The following C2 variants were observed in gnomAD, a reference collection of about 807,000 sequenced individuals.
C2 encodes complement C2, also known as C3/C5 convertase.
In C2, 64 loss-of-function variants were observed where a neutral mutation model predicts 85.2. The ratio of observed to expected loss-of-function variants is 0.75; its 90% CI spans 0.61 to 0.92. The LOEUF (loss-of-function observed/expected upper bound fraction) is 0.92, where lower values mean the gene tolerates loss of function less well. C2 is among the 40% of genes least tolerant of loss of function. The pLI is 0.00. For synonymous variants in C2, 311 were observed against 370.8 expected, an observed-to-expected ratio of 0.84 and a Z score of 1.85; for missense variants, 820 against 971.6, an observed-to-expected ratio of 0.84 and a Z score of 2.07.
rs571063504 is a variant in C2, at chr6:31,913,758, C to T, written c.73+12619C>T. On this transcript the variant is annotated intron_variant, in intron 1 of 3. Transcript: ENST00000452202. ...GCCTCCTGGGTGTAAGCAATTCTCC[C>T]GCCTCAGGCTCCCGTGTAGCTGGGA... Among the ~76,000 whole-genome samples, 301 of 151,818 alleles carry T rather than the reference C, an allele frequency of 2.0e-3. 2 individuals are homozygous for T. The highest frequency in any genetic ancestry group is 5.0e-3 in the African/African-American group (208 of 41,376).
At chr6:31,910,618 G>C (rs1768028768) in intron 1 of C2, among the ~76,000 whole-genome samples, 1 of 152,014 alleles carries the variant, frequency 6.6e-6, no homozygotes, top group Non-Finnish European at 1.5e-5. Flanking sequence ...ATGAAAATAA[G>C]AATTCAGAAG....
At chr6:31,927,012 G>A (rs770423424), upstream of C2, among the ~76,000 whole-genome samples, 3 of 152,090 alleles carry the variant, frequency 2.0e-5, no homozygotes, top group African/African-American at 4.8e-5. This position sits in a 1 kb window ranked among gnomAD's most constrained non-coding sequence, Gnocchi z 4.7. Flanking sequence ...AACCCCAAAT[G>A]TATTTACTTT....
chr6:31,925,535 C>T (rs1167275465), upstream of C2, among the ~76,000 whole-genome samples: 6 of 152,138 alleles, frequency 3.9e-5, no homozygotes, highest in African/African-American at 7.2e-5. Context: ...TCAGGTGATC[C>T]CCCTGCCTCG....
chr6:31,917,140 C>T (rs1199531191), upstream of C2, among the ~76,000 whole-genome samples: 8 of 146,190 alleles, frequency 5.5e-5, no homozygotes, highest in Admixed American at 5.5e-4. Context: ...CACTGCACTC[C>T]AGCCTGGGTG....
chr6:31,907,014 C>G (rs1767754249), intron 1 of C2, among the ~76,000 whole-genome samples: 1 of 151,418 alleles, frequency 6.6e-6, no homozygotes, highest in South Asian at 2.1e-4. Flanking sequence ...GTGGTGCATG[C>G]CTGTAATCCC....
At chr6:31,916,231 G>C (rs1475703451), upstream of C2, among the ~76,000 whole-genome samples, 1 of 152,278 alleles carries the variant, frequency 6.6e-6, no homozygotes, top group Non-Finnish European at 1.5e-5. Flanking sequence ...GCTATAGGGA[G>C]TGTGAGATCC....
At chr6:31,933,291 C>T (rs926894431) in intron 3 of C2, among the ~76,000 whole-genome samples, 1 of 152,212 alleles carries the variant, frequency 6.6e-6, no homozygotes, top group Admixed American at 6.5e-5. Context: ...GTTTCACCCA[C>T]GTACATGCCA....
Position 31,933,596 on chromosome 6 carries a change from T to C in C2, c.443-14T>C. ...GGGGGCTACTCACCTCTGCCTTCCT[T>C]TGTTCACTCGCAGCTGGCCACTGCC... On this transcript the variant is annotated splice_polypyrimidine_tract_variant and intron_variant, in intron 3 of 17. Transcript: ENST00000299367. 6.2e-7 allele frequency: 1 copy of C among 1,612,814 alleles called. No individual in the cohort carries two copies. The highest frequency in any genetic ancestry group is 8.5e-7 in the Non-Finnish European group (1 of 1,179,978).
At chr6:31,933,817 G>A in intron 4 of C2, 34 bp downstream of exon 4, 2 of 1,613,614 alleles carry the variant, frequency 1.2e-6, no homozygotes, top group South Asian at 2.2e-5. Context: ...GAGATTCCTC[G>A]GCACACCCGG....
intron 3 of C2, among the ~76,000 whole-genome samples, chr6:31,930,248 A>G (rs773699159): frequency 2.0e-5 from 3 of 151,178 alleles, no homozygotes; most frequent in Non-Finnish European, 4.4e-5. Context: ...TGCCTCGGTA[A>G]TTTTCTATTC....
At chr6:31,933,825 C>T (rs750461415) in intron 4 of C2, 42 bp downstream of exon 4, 16 of 1,613,510 alleles carry the variant, frequency 9.9e-6, no homozygotes, top group Middle Eastern at 3.3e-4. Context: ...TCGGCACACC[C>T]GGCCACTGCC....
intron 1 of C2, among the ~76,000 whole-genome samples, chr6:31,903,014 C>G (rs989294448): frequency 1.3e-5 from 2 of 152,180 alleles, no homozygotes; most frequent in African/African-American, 4.8e-5. Context: ...CCCGGGCCTT[C>G]TCTTTCTCTT....
In C2 at chr6:31,920,690, T is replaced by A. The variant is rs926018817; in HGVS notation, c.-100+664T>A. 3.9e-5 allele frequency among the ~76,000 whole-genome samples: 6 copies of A among 152,138 alleles called. No homozygotes were observed. The highest frequency in any genetic ancestry group is 3.9e-4 in the Admixed American group (6 of 15,268). ...GAGGGCTGAGGTAAGAGCTGCGGTGTGGGCAGATGGACACCCTGGTACACC... is the reference window on the plus strand; with the variant it reads ...GAGGGCTGAGGTAAGAGCTGCGGTGAGGGCAGATGGACACCCTGGTACACC... On this transcript the variant is annotated intron_variant, in intron 1 of 3. Transcript: ENST00000413154. The surrounding 1 kb of genome is among the most constrained non-coding windows in gnomAD (Gnocchi z 5.6).
chr6:31,901,704 C>T (rs1464164259), intron 1 of C2: 12 of 237,570 alleles, frequency 5.1e-5, no homozygotes, highest in Non-Finnish European at 9.1e-5. Context: ...CCGCCCCCCC[C>T]TTACACGTTT....
rs1245036962 is a variant in C2 at position 31,943,780 on chromosome 6, C to T, written c.1704C>T (p.Ala568=). ...YGDDIALLKL[A]QKVKMSTHAR... ...ATGACATAGCTCTGCTGAAGCTGGC[C>T]CAGAAAGTAAAGATGTCCACCCATG... The change falls in exon 13 of 18, where the codon GCC becomes GCT. Residue 568 remains alanine (A), a synonymous_variant. Coordinates refer to ENST00000299367, the MANE Select transcript of C2 (RefSeq NM_000063.6). This position sits in a 1 kb window ranked among gnomAD's most constrained non-coding sequence, Gnocchi z 6.4. The T allele has an allele frequency of 6.2e-7, 1 of 1,613,034 alleles. No individual in the cohort carries two copies. The highest frequency in any genetic ancestry group is 1.7e-5 in the Admixed American group (1 of 60,028).
In C2 at chr6:31,907,001, G is replaced by C. The variant is rs535612893; in HGVS notation, c.73+5862G>C. Among the ~76,000 whole-genome samples the C allele has an allele frequency of 2.0e-5, 3 of 151,666 alleles. No individual in the cohort carries two copies. The South Asian group carries it at 6.3e-4, about 32-fold the overall frequency. ...AAAATGCAAAAAAAATTAGCTGGGC[G>C]TGGTGGTGCATGCCTGTAATCCCAG... On this transcript the variant is annotated intron_variant, in intron 1 of 3. Coordinates refer to the C2 transcript ENST00000452202.
At chr6:31,926,244 G>A (rs1769250609), upstream of C2, among the ~76,000 whole-genome samples, 1 of 152,084 alleles carries the variant, frequency 6.6e-6, no homozygotes, top group African/African-American at 2.4e-5. Flanking sequence ...TAGCAGCTCT[G>A]CCACAGCAGC....
In C2 at chr6:31,943,698, C is replaced by A; in HGVS notation, c.1622C>A (p.Ser541Tyr). The A allele has an allele frequency of 6.2e-7, 1 of 1,613,054 alleles. No homozygotes were observed. Among genetic ancestry groups the A allele is most frequent in the South Asian group, 1.1e-5 (1 of 91,088 alleles). ...KEFLIEKAVI[S>Y]PGFDVFAKKN... ...TTCCTTATTGAGAAGGCGGTGATCT[C>A]CCCAGGGTTTGATGTCTTTGCCAAA... is the stretch of plus-strand genomic sequence containing the variant. Residue 541 changes from serine (S) to tyrosine (Y), a missense_variant, in exon 13 of 18, where the codon TCC becomes TAC. Transcript: ENST00000299367. This position sits in a 1 kb window ranked among gnomAD's most constrained non-coding sequence, Gnocchi z 6.4.
Position 31,934,277 on chromosome 6 carries a change from G to A in C2, c.827G>A (p.Ser276Asn), listed in dbSNP as rs1770216753. Residue 276 changes from serine to asparagine, a missense_variant, in exon 6 of 18, where the codon AGC becomes AAC. Ser to Asn is a conservative substitution (Grantham distance 46). Transcript: ENST00000299367. ...AATGACTTTCTCATCTTCAAGGAGA[G>A]CGCCTCCCTCATGGTGGACAGGGTC... Reference protein sequence around the residue: ...SENDFLIFKESASLMVDRIFS... With the variant: ...SENDFLIFKENASLMVDRIFS... 1 of 1,614,136 alleles carries A rather than the reference G, an allele frequency of 6.2e-7. No homozygotes were observed. The highest frequency in any genetic ancestry group is 8.5e-7 in the Non-Finnish European group (1 of 1,180,010).
Sources: gnomAD v4.1 joint callset for allele counts (sites outside exome capture counted in the v4.1 genomes callset) on GRCh38, gnomAD v4.1.1 for gene constraint, Gnocchi (gnomAD v3.1) non-coding constraint, MANE v1.5 for transcripts, NCBI Gene and HGNC (gene_info 2026-07-23, HGNC 2026-07-21) for gene names.